Variants in FAM3B observed in about 807,000 individuals in gnomAD.
The protein encoded by FAM3B is FAM3 metabolism regulating signaling molecule B, also known as protein FAM3B.
Under a neutral mutation model 28.4 loss-of-function variants are expected in FAM3B, and 29 were observed. The observed-to-expected ratio is 1.02, with a 90% CI of 0.76 to 1.39. The LOEUF is 1.39. Ranked by LOEUF, FAM3B falls within the 40% of genes most tolerant of loss-of-function variation. FAM3B has a pLI of 0.00. For synonymous variants in FAM3B, 91 were observed against 103.0 expected (o/e 0.88, Z 0.71); for missense variants, 266 against 293.9 (o/e 0.91, Z 0.69).
At chr21:41,352,782 G>A (rs1218388471) in intron 7 of FAM3B, among the ~76,000 whole-genome samples, 1 of 129,032 alleles carries the variant, frequency 7.8e-6, no homozygotes, top group African/African-American at 3.8e-5. Flanking sequence ...CAACATTAGC[G>A]AAACTCCATC....
chr21:41,320,898 C>T (rs895163012), intron 1 of FAM3B: 1 of 152,218 alleles, frequency 6.6e-6, no homozygotes, highest in Non-Finnish European at 1.5e-5. Flanking sequence ...TCTTCTCTGT[C>T]GTGTCCACAT....
At chr21:41,346,118 C>T in intron 5 of FAM3B, 1 of 201,810 alleles carries the variant, frequency 5.0e-6, no homozygotes, top group African/African-American at 2.4e-5. Flanking sequence ...CACGATTACT[C>T]CTGGTGACTC....
chr21:41,309,674 A>T (rs947491264), intron 1 of FAM3B, among the ~76,000 whole-genome samples: 6 of 152,226 alleles, frequency 3.9e-5, no homozygotes, highest in African/African-American at 1.4e-4. Context: ...TGGCACATTC[A>T]GGAGACTCAC....
intron 7 of FAM3B, among the ~76,000 whole-genome samples, chr21:41,352,288 C>T (rs2089127736): frequency 6.6e-6 from 1 of 152,146 alleles, no homozygotes; most frequent in Non-Finnish European, 1.5e-5. Flanking sequence ...CTGCACATGC[C>T]TCCCTCCATG....
chr21:41,322,739 C>A, intron 1 of FAM3B, 184 bp from the exon 2 acceptor site: 1 of 768,834 alleles, frequency 1.3e-6, no homozygotes, highest in Non-Finnish European at 2.3e-6. Context: ...TTCTCTGATA[C>A]TGTCTACTTC....
intron 7 of FAM3B, among the ~76,000 whole-genome samples, chr21:41,350,407 G>A (rs551119569): frequency 1.1e-4 from 16 of 152,218 alleles, no homozygotes; most frequent in Non-Finnish European, 1.9e-4. Flanking sequence ...ATCATCACCT[G>A]TGAGAGGTGA....
intron 7 of FAM3B, among the ~76,000 whole-genome samples, chr21:41,352,872 G>A (rs1013650609): frequency 2.6e-5 from 4 of 152,066 alleles, no homozygotes; most frequent in African/African-American, 9.7e-5. Context: ...ATGATTTTAT[G>A]TATACTAGGC....
At chr21:41,319,271 G>A (rs1025535362) in intron 1 of FAM3B, among the ~76,000 whole-genome samples, 1 of 152,138 alleles carries the variant, frequency 6.6e-6, no homozygotes, top group African/African-American at 2.4e-5. Context: ...GCTGGGACAT[G>A]TGTACATGTA....
At chr21:41,310,540 C>G (rs1029263349) in intron 1 of FAM3B, among the ~76,000 whole-genome samples, 2 of 152,234 alleles carry the variant, frequency 1.3e-5, no homozygotes, top group African/African-American at 4.8e-5. Context: ...TCATCCACAT[C>G]TGGCTGATTG....
At chr21:41,312,988 T>C (rs1281011346), upstream of FAM3B, among the ~76,000 whole-genome samples, 1 of 152,174 alleles carries the variant, frequency 6.6e-6, no homozygotes, top group Admixed American at 6.5e-5. Context: ...CCCCACATTG[T>C]TGGGACCACA....
intron 7 of FAM3B, among the ~76,000 whole-genome samples, chr21:41,356,213 G>A (rs534564588): frequency 3.4e-4 from 51 of 151,890 alleles, no homozygotes; most frequent in African/African-American, 1.2e-3. Context: ...TTGGTTTATC[G>A]GTTGCCCTAT....
intron 1 of FAM3B, among the ~76,000 whole-genome samples, chr21:41,311,248 AAAAATATATATATATATATATAT>A (rs1407836005): frequency 3.1e-5 from 2 of 64,276 alleles, no homozygotes; most frequent in African/African-American, 1.2e-4. Flanking sequence ...AAAAAAAAAA[AAAAATATATATATATATATATAT>A]ATATATATAT....
intron 1 of FAM3B, among the ~76,000 whole-genome samples, chr21:41,317,749 T>C (rs1398770254): frequency 1.3e-5 from 2 of 152,168 alleles, no homozygotes; most frequent in African/African-American, 4.8e-5. Context: ...GGTGTTGGAC[T>C]GAACCATCGC....
chr21:41,316,540 T>C (rs1442459838), upstream of FAM3B, among the ~76,000 whole-genome samples: 1 of 152,188 alleles, frequency 6.6e-6, no homozygotes, highest in African/African-American at 2.4e-5. Context: ...TCAAGTGGCG[T>C]CGTTTCCTCC....
intron 7 of FAM3B, among the ~76,000 whole-genome samples, chr21:41,356,503 G>A (rs2089168254): frequency 6.6e-6 from 1 of 152,186 alleles, no homozygotes; most frequent in African/African-American, 2.4e-5. Context: ...GGTCCTTGGA[G>A]TATAGTTTCT....
chr21:41,310,824 T>C (rs2088705052), intron 1 of FAM3B, among the ~76,000 whole-genome samples: 1 of 152,188 alleles, frequency 6.6e-6, no homozygotes, highest in African/African-American at 2.4e-5. Context: ...GCTGCATAAG[T>C]AATGACAAGT....
chr21:41,332,037 T>C (rs2088910843), intron 2 of FAM3B, among the ~76,000 whole-genome samples: 1 of 152,204 alleles, frequency 6.6e-6, no homozygotes, highest in African/African-American at 2.4e-5. Context: ...AGGTGGAGCC[T>C]GGAGGGAGGT....
chr21:41,338,598 AC>A, intron 3 of FAM3B, 97 bp downstream of exon 3: 1 of 1,506,946 alleles, frequency 6.6e-7, no homozygotes, highest in Non-Finnish European at 8.9e-7. Flanking sequence ...ACAGGAGAGA[AC>A]CATATGTCGT....
At chr21:41,312,722 A>AGAGTGTGTGTGTGTGTGT (rs1555866778), upstream of FAM3B, among the ~76,000 whole-genome samples, 1 of 148,216 alleles carries the variant, frequency 6.7e-6, no homozygotes, top group Non-Finnish European at 1.5e-5. Context: ...TGTGTGTGAG[A>AGAGTGTGTGTGTGTGTGT]GTGTGTGTGT....
Sources: allele counts gnomAD v4.1 joint callset (sites outside exome capture counted in the v4.1 genomes callset), GRCh38; gene constraint gnomAD v4.1.1; transcripts MANE v1.5; gene names NCBI Gene and HGNC (gene_info 2026-07-23, HGNC 2026-07-21).